TENM2: variants seen among roughly 807,000 people sequenced by gnomAD.
TENM2 encodes teneurin-2.
In TENM2, 52 loss-of-function variants were observed where a neutral mutation model predicts 245.2. The ratio of observed to expected loss-of-function variants is 0.21; its 90% CI spans 0.17 to 0.27. TENM2 has a LOEUF of 0.27. Ranked by LOEUF, TENM2 falls within the 10% of genes least tolerant of loss-of-function variation. The pLI, the probability that TENM2 is intolerant of heterozygous loss-of-function variation, is 1.00. For synonymous variants in TENM2, 1,363 were observed against 1,438.9 expected, an observed-to-expected ratio of 0.95 and a Z score of 1.19; for missense variants, 3,046 against 3,666.8, an observed-to-expected ratio of 0.83 and a Z score of 4.37.
At chr5:167,515,307 T>G (rs1562018349) in intron 2 of TENM2, among the ~76,000 whole-genome samples, 1 of 152,072 alleles carries the variant, frequency 6.6e-6, no homozygotes, top group Non-Finnish European at 1.5e-5. Flanking sequence ...AGACTGCAAG[T>G]AGAGTATATA....
chr5:167,103,354 A>AG, the TENM2 span, among the ~76,000 whole-genome samples: 1 of 152,238 alleles, frequency 6.6e-6, no homozygotes, highest in East Asian at 1.9e-4. Flanking sequence ...CAATGGACTT[A>AG]GTATGTAAGT....
At chr5:167,311,791 C>G (rs1326364725) in intron 1 of TENM2, among the ~76,000 whole-genome samples, 2 of 152,104 alleles carry the variant, frequency 1.3e-5, no homozygotes, top group African/African-American at 2.4e-5. Flanking sequence ...CTTTTTAAGA[C>G]AAAATTTAAA....
At chr5:168,239,752 T>G (rs10079495) in intron 25 of TENM2, among the ~76,000 whole-genome samples, 1 of 151,926 alleles carries the variant, frequency 6.6e-6, no homozygotes, top group Non-Finnish European at 1.5e-5. Context: ...TTACATATTA[T>G]AGTATATTAT....
chr5:167,204,614 G>A, the TENM2 span, among the ~76,000 whole-genome samples: 4 of 152,222 alleles, frequency 2.6e-5, no homozygotes, highest in Non-Finnish European at 5.9e-5. Context: ...TGCTTCAGTG[G>A]TCGAATTCAC....
chr5:167,931,023 T>C (rs1778242076), intron 3 of TENM2, among the ~76,000 whole-genome samples: 1 of 152,182 alleles, frequency 6.6e-6, no homozygotes, highest in South Asian at 2.1e-4. Flanking sequence ...CGCAAACTAG[T>C]GCAGCACCAT....
At chr5:167,979,712 TGAG>T (rs999607469) in intron 4 of TENM2, among the ~76,000 whole-genome samples, 26 of 152,226 alleles carry the variant, frequency 1.7e-4, no homozygotes, top group South Asian at 1.0e-3. Context: ...ACAGAAAACT[TGAG>T]GAGAATTCCA....
chr5:167,411,882 C>A (rs76679123), intron 2 of TENM2, among the ~76,000 whole-genome samples: 1 of 151,292 alleles, frequency 6.6e-6, no homozygotes, highest in South Asian at 2.1e-4. Context: ...TTTGTGTTGA[C>A]TGACTGCTGA....
intron 24 of TENM2, among the ~76,000 whole-genome samples, chr5:168,226,646 C>G (rs1764217552): frequency 6.6e-6 from 1 of 152,140 alleles, no homozygotes; most frequent in Non-Finnish European, 1.5e-5. Flanking sequence ...CCTGGCTCAC[C>G]ACTAGACTTC....
the TENM2 span, among the ~76,000 whole-genome samples, chr5:167,084,201 T>G: frequency 6.6e-6 from 1 of 150,898 alleles, no homozygotes; most frequent in Non-Finnish European, 1.5e-5. Context: ...ATAAGATGAA[T>G]TTATCAAACA....
At chr5:167,655,410 CTTGACCAAGG>C in intron 2 of TENM2, among the ~76,000 whole-genome samples, 1 of 152,196 alleles carries the variant, frequency 6.6e-6, no homozygotes, top group East Asian at 1.9e-4. Context: ...ATGGCCACCT[CTTGACCAAGG>C]AAAAGCAGGC....
chr5:167,553,823 C>T (rs969796109), intron 2 of TENM2, among the ~76,000 whole-genome samples: 1 of 152,092 alleles, frequency 6.6e-6, no homozygotes, highest in Non-Finnish European at 1.5e-5. Context: ...ATACCAGAGT[C>T]CCCTCCTTCA....
chr5:167,852,998 C>T (rs972906774), intron 2 of TENM2, among the ~76,000 whole-genome samples: 3 of 151,896 alleles, frequency 2.0e-5, no homozygotes, highest in African/African-American at 4.8e-5. Context: ...AGAAAGTGAT[C>T]GGGCTCTGCC....
chr5:167,188,241 T>C, the TENM2 span, among the ~76,000 whole-genome samples: 1 of 152,090 alleles, frequency 6.6e-6, no homozygotes, highest in Admixed American at 6.6e-5. Context: ...ATTAAATGGG[T>C]ATGGAGATTG....
chr5:167,091,204 C>A, the TENM2 span, among the ~76,000 whole-genome samples: 1 of 151,994 alleles, frequency 6.6e-6, no homozygotes, highest in Non-Finnish European at 1.5e-5. Context: ...AGCCTATTTT[C>A]ATTTCCTGGG....
At chr5:168,221,441 C>A (rs1375577977) in intron 23 of TENM2, among the ~76,000 whole-genome samples, 1 of 152,152 alleles carries the variant, frequency 6.6e-6, no homozygotes, top group East Asian at 1.9e-4. Context: ...ATCTCCAAGC[C>A]CAGCGTTCTT....
At chr5:167,737,780 T>C (rs964532615) in intron 2 of TENM2, among the ~76,000 whole-genome samples, 6 of 152,214 alleles carry the variant, frequency 3.9e-5, no homozygotes, top group Non-Finnish European at 2.9e-5. Context: ...CCCAAAGACA[T>C]TGTTTCTGCC....
At chr5:168,065,658 T>A (rs1790430264) in intron 7 of TENM2, among the ~76,000 whole-genome samples, 1 of 152,050 alleles carries the variant, frequency 6.6e-6, no homozygotes, top group Admixed American at 6.5e-5. Context: ...TTTCTTCTTC[T>A]TTCTAAAGAA....
intron 2 of TENM2, among the ~76,000 whole-genome samples, chr5:167,471,396 TAAAATA>T (rs1247251736): frequency 1.3e-5 from 2 of 151,952 alleles, no homozygotes; most frequent in East Asian, 1.9e-4. Flanking sequence ...TAAAAAGGAA[TAAAATA>T]AAAATAAAAA....
chr5:167,397,283 C>G (rs915974220), intron 2 of TENM2, among the ~76,000 whole-genome samples: 3 of 151,732 alleles, frequency 2.0e-5, no homozygotes, highest in Admixed American at 2.0e-4. Context: ...GAAAGGCAAA[C>G]TCAAAAAAAA....
Sources: gnomAD v4.1 joint callset for allele counts (sites outside exome capture counted in the v4.1 genomes callset) on GRCh38, gnomAD v4.1.1 for gene constraint, MANE v1.5 for transcripts, NCBI Gene and HGNC (gene_info 2026-07-23, HGNC 2026-07-21) for gene names.